CNTNAP4: variants seen among roughly 807,000 people sequenced by gnomAD.
CNTNAP4 encodes contactin associated protein family member 4.
In CNTNAP4, 98 loss-of-function variants were observed where a neutral mutation model predicts 148.4. That is an observed-to-expected ratio of 0.66 (90% CI 0.56 to 0.78). CNTNAP4 has a LOEUF of 0.78. Among genes scored for constraint, CNTNAP4 ranks in the 30% least tolerant of loss-of-function variants. CNTNAP4 has a pLI of 0.00. For missense variants in CNTNAP4, 1,935 were observed against 1,565.6 expected, an observed-to-expected ratio of 1.24 and a Z score of -3.98; for synonymous variants, 730 against 565.1, an observed-to-expected ratio of 1.29 and a Z score of -4.14.
At chr16:76,531,925 A>G (rs776912574) in intron 17 of CNTNAP4, among the ~76,000 whole-genome samples, 1 of 152,174 alleles carries the variant, frequency 6.6e-6, no homozygotes, top group Non-Finnish European at 1.5e-5. Flanking sequence ...AAAGTTGTGT[A>G]CTGATTTTCT....
At chr16:76,311,153 A>C (rs938925111) in intron 1 of CNTNAP4, among the ~76,000 whole-genome samples, 3 of 152,172 alleles carry the variant, frequency 2.0e-5, no homozygotes, top group Admixed American at 6.6e-5. Context: ...ACTTTTATTA[A>C]AAACTGAACA....
chr16:76,467,368 C>G lies in CNTNAP4; in HGVS notation c.1500C>G (p.Ser500Arg). Residue 500 changes from serine (S) to arginine (R), a missense_variant, in exon 10 of 24, where the codon AGC becomes AGG. Ser to Arg is a moderately radical substitution (Grantham distance 110, BLOSUM62 -1). Transcript: ENST00000611870. ...TTTTATCAGGTTGTCCTGACAAAAG[C>G]TTTGGATCCAAATGTAAAAGTCCAC... ...TYYFGGCPDK[S>R]FGSKCKSPLG... The G allele has an allele frequency of 6.2e-6, 10 of 1,613,796 alleles. No individual in the cohort carries two copies. Among genetic ancestry groups the G allele is most frequent in the Non-Finnish European group, 8.5e-6 (10 of 1,179,822 alleles).
At chr16:76,541,990 A>T (rs1447580188) in intron 21 of CNTNAP4, among the ~76,000 whole-genome samples, 1 of 152,204 alleles carries the variant, frequency 6.6e-6, no homozygotes, top group African/African-American at 2.4e-5. Flanking sequence ...CTCTAAGAAT[A>T]TGTATATAGC....
At chr16:76,415,069 A>T (rs2078928438) in intron 3 of CNTNAP4, among the ~76,000 whole-genome samples, 1 of 151,256 alleles carries the variant, frequency 6.6e-6, no homozygotes, top group African/African-American at 2.4e-5. Flanking sequence ...TAATTACAAT[A>T]GTCTGAATTT....
intron 3 of CNTNAP4, among the ~76,000 whole-genome samples, chr16:76,408,192 T>C (rs1011216406): frequency 1.3e-5 from 2 of 152,088 alleles, no homozygotes; most frequent in African/African-American, 4.8e-5. Context: ...GTGATGAAAT[T>C]TATTGCAAAA....
chr16:76,558,959 G>A lies in CNTNAP4; in HGVS notation c.*276G>A, dbSNP rs2085311682. ...AAGTTTAACCTGCTTAATGGCTACA[G>A]TTTTTACATGTGAAAACTGTAGCCT... On this transcript the variant is annotated 3_prime_UTR_variant, in exon 24 of 24. Transcript: ENST00000611870. 4.4e-6 allele frequency: 1 copy of A among 229,320 alleles called. No homozygotes were observed. Among genetic ancestry groups the A allele is most frequent in the African/African-American group, 2.2e-5 (1 of 44,564 alleles). 14.2% of individuals were successfully genotyped at this position (229,320 alleles called of 1,614,324 possible). A position where few individuals can be genotyped will look rare whatever the true frequency, so the allele number is the denominator to read the frequency against.
At chr16:76,425,702 C>A (rs77623823) in intron 3 of CNTNAP4, among the ~76,000 whole-genome samples, 1 of 152,106 alleles carries the variant, frequency 6.6e-6, no homozygotes, top group Non-Finnish European at 1.5e-5. Flanking sequence ...ATGCAAAGAT[C>A]TGGGGAAAGA....
chr16:76,549,073 G>C (rs2084856084), intron 21 of CNTNAP4, among the ~76,000 whole-genome samples: 1 of 152,150 alleles, frequency 6.6e-6, no homozygotes, highest in South Asian at 2.1e-4. Context: ...GACAGGCAGG[G>C]GGATCCTGGA....
At chr16:76,325,086 C>T (rs1257124367) in intron 2 of CNTNAP4, among the ~76,000 whole-genome samples, 4 of 152,084 alleles carry the variant, frequency 2.6e-5, no homozygotes, top group Non-Finnish European at 4.4e-5. Context: ...TGTAGTGAGC[C>T]TGACATTTTC....
chr16:76,376,226 C>G (rs1380719193), intron 3 of CNTNAP4, among the ~76,000 whole-genome samples: 2 of 152,068 alleles, frequency 1.3e-5, no homozygotes, highest in South Asian at 2.1e-4. Context: ...TAACATAGAT[C>G]TGAGGTTATC....
chr16:76,327,289 A>C (rs1963087024), intron 2 of CNTNAP4, among the ~76,000 whole-genome samples: 1 of 152,134 alleles, frequency 6.6e-6, no homozygotes, highest in African/African-American at 2.4e-5. Flanking sequence ...CCCACTTACA[A>C]GATAACATGT....
chr16:76,289,237 C>T (rs1022169662), intron 1 of CNTNAP4, among the ~76,000 whole-genome samples: 16 of 152,122 alleles, frequency 1.1e-4, no homozygotes, highest in South Asian at 2.1e-4. Context: ...GCCTGTAGCA[C>T]GTGCCCGATC....
chr16:76,350,197 G>A (rs1326149528), intron 2 of CNTNAP4, among the ~76,000 whole-genome samples: 2 of 152,048 alleles, frequency 1.3e-5, no homozygotes, highest in African/African-American at 2.4e-5. Flanking sequence ...AATTACTCCA[G>A]GGGTAAAGAA....
At chr16:76,396,496 A>G (rs922427366) in intron 3 of CNTNAP4, among the ~76,000 whole-genome samples, 2 of 152,236 alleles carry the variant, frequency 1.3e-5, no homozygotes, top group South Asian at 2.1e-4. Context: ...GTGGATGTCC[A>G]GTCACTTTGC....
chr16:76,403,278 A>G lies in CNTNAP4; in HGVS notation c.391-24174A>G, dbSNP rs1597433670. Reference sequence around the variant, plus strand: ...TGGCAAATTTTTTTGTATTTTTAGTAGAGATGGGGTTTCATTGTGTTAGCC... The same window carrying G: ...TGGCAAATTTTTTTGTATTTTTAGTGGAGATGGGGTTTCATTGTGTTAGCC... On this transcript the variant is annotated intron_variant, in intron 3 of 23. Transcript: ENST00000611870. Among the ~76,000 whole-genome samples, 4 of 151,996 alleles carry G rather than the reference A, an allele frequency of 2.6e-5. No individual in the cohort carries two copies. In the South Asian group the frequency reaches 8.3e-4, roughly 32 times the overall value.
intron 10 of CNTNAP4, among the ~76,000 whole-genome samples, chr16:76,468,199 C>T (rs1443825369): frequency 4.6e-5 from 7 of 152,016 alleles, no homozygotes; most frequent in Non-Finnish European, 1.0e-4. Context: ...TTTTGGCTGG[C>T]GCAGTGGCTC....
chr16:76,551,442 G>T (rs1250727336), intron 21 of CNTNAP4, among the ~76,000 whole-genome samples: 2 of 150,730 alleles, frequency 1.3e-5, no homozygotes, highest in East Asian at 1.9e-4. Context: ...GATGCCCAGG[G>T]TTAGTTAAAG....
At chr16:76,486,598 A>G (rs1270024793) in intron 12 of CNTNAP4, among the ~76,000 whole-genome samples, 2 of 152,220 alleles carry the variant, frequency 1.3e-5, no homozygotes, top group East Asian at 3.8e-4. Context: ...AGGATGATTA[A>G]ATGCATCTTG....
chr16:76,532,531 CTG>C (rs1236478807), intron 17 of CNTNAP4, among the ~76,000 whole-genome samples: 2 of 152,290 alleles, frequency 1.3e-5, no homozygotes, highest in East Asian at 3.9e-4. Context: ...GTTAGGGAGA[CTG>C]TGCATGTTTC....
Sources: gnomAD v4.1 joint callset for allele counts (sites outside exome capture counted in the v4.1 genomes callset) on GRCh38, gnomAD v4.1.1 for gene constraint, MANE v1.5 for transcripts, NCBI Gene and HGNC (gene_info 2026-07-23, HGNC 2026-07-21) for gene names.